The following LNPEP variants were observed in gnomAD, a reference collection of about 807,000 sequenced individuals.
LNPEP encodes the protein leucyl-cystinyl aminopeptidase.
LNPEP carries 64 observed loss-of-function variants against 120.6 expected under a neutral mutation model. The observed-to-expected ratio is 0.53, with a 90% confidence interval of 0.43 to 0.65. LNPEP has a LOEUF of 0.65. Ranked by LOEUF, LNPEP falls within the 30% of genes least tolerant of loss-of-function variation. The probability of loss-of-function intolerance (pLI) is 0.00; values close to 1 mark genes in which losing one functional copy is unlikely to be tolerated. For missense variants in LNPEP, 1,057 were observed against 1,200.0 expected (o/e 0.88, Z 1.76); for synonymous variants, 435 against 425.4 (o/e 1.02, Z -0.28).
At chr5:96,965,161 A>G (rs1789697848) in intron 1 of LNPEP, among the ~76,000 whole-genome samples, 1 of 152,148 alleles carries the variant, frequency 6.6e-6, no homozygotes, top group South Asian at 2.1e-4. Context: ...TAGAAGGAGT[A>G]AGATCTAGCA....
intron 1 of LNPEP, 63 bp downstream of exon 1, chr5:96,936,237 C>T: frequency 7.7e-7 from 1 of 1,306,000 alleles, no homozygotes; most frequent in Non-Finnish European, 9.9e-7. Flanking sequence ...CGTGGGCAGT[C>T]GTGACACGCG....
At chr5:96,975,978 A>G (rs1789982870) in intron 1 of LNPEP, among the ~76,000 whole-genome samples, 1 of 152,168 alleles carries the variant, frequency 6.6e-6, no homozygotes, top group South Asian at 2.1e-4. Flanking sequence ...TGACTTATAG[A>G]TAGCTTCTAT....
In LNPEP at chr5:96,936,193, C is replaced by G. The variant is rs556945976; in HGVS notation, c.19+19C>G. ...ACCAATGGTGAGTGGGCTGCCGAGG[C>G]GCCGGGACCCGGGCTCTCCGGAGCC... On this transcript the variant is annotated intron_variant, in intron 1 of 17. Transcript: ENST00000231368. 3.5e-6 allele frequency: 5 copies of G among 1,434,972 alleles called. No individual in the cohort carries two copies. The highest frequency in any genetic ancestry group is 2.8e-5 in the Admixed American group (1 of 35,360). 88.9% of individuals were successfully genotyped at this position (1,434,972 alleles called of 1,614,324 possible).
intron 4 of LNPEP, among the ~76,000 whole-genome samples, chr5:96,990,947 GT>G (rs1196396926): frequency 2.0e-5 from 3 of 152,126 alleles, no homozygotes; most frequent in African/African-American, 7.2e-5. Context: ...GGAACAGGTG[GT>G]GTTCGGTTAT....
At chr5:96,958,860 C>T (rs1789533028) in intron 1 of LNPEP, 1 of 123,858 alleles carries the variant, frequency 8.1e-6, no homozygotes, top group Admixed American at 1.0e-4. Context: ...GACGGAGTCT[C>T]ACTCTGTCAC....
At chr5:96,945,251 A>T (rs1318410109) in intron 1 of LNPEP, among the ~76,000 whole-genome samples, 1 of 47,182 alleles carries the variant, frequency 2.1e-5, no homozygotes, top group African/African-American at 7.1e-5. Context: ...TTAAAAATTA[A>T]AAAAAAAAAT....
At chr5:97,011,876 G>A (rs1481693224) in intron 11 of LNPEP, among the ~76,000 whole-genome samples, 1 of 152,056 alleles carries the variant, frequency 6.6e-6, no homozygotes, top group African/African-American at 2.4e-5. Flanking sequence ...AACATCTTTT[G>A]CAGTATCGAT....
intron 4 of LNPEP, among the ~76,000 whole-genome samples, chr5:96,991,726 G>A (rs1055918221): frequency 1.3e-5 from 2 of 152,128 alleles, no homozygotes; most frequent in Non-Finnish European, 2.9e-5. Flanking sequence ...CAGATGTATA[G>A]ATTATGAAGA....
intron 1 of LNPEP, among the ~76,000 whole-genome samples, chr5:96,951,125 T>C (rs1383143604): frequency 1.3e-5 from 2 of 152,232 alleles, no homozygotes; most frequent in African/African-American, 4.8e-5. Flanking sequence ...CGAGCTTTGC[T>C]GTTTCTTTCT....
chr5:96,975,736 A>G (rs555676136), intron 1 of LNPEP, among the ~76,000 whole-genome samples: 1 of 152,346 alleles, frequency 6.6e-6, no homozygotes, highest in Non-Finnish European at 1.5e-5. Context: ...TTCAATACAC[A>G]TAAAAATTAC....
chr5:96,941,348 C>G (rs1191638338), intron 1 of LNPEP, among the ~76,000 whole-genome samples: 1 of 152,202 alleles, frequency 6.6e-6, no homozygotes, highest in Non-Finnish European at 1.5e-5. Context: ...AGGCCAGAGA[C>G]TGGTACTGGT....
chr5:96,978,798 T>G (rs2113050), intron 1 of LNPEP, among the ~76,000 whole-genome samples: 75,611 of 151,978 alleles, frequency 0.5, 19,013 homozygotes, highest in African/African-American at 0.57. Flanking sequence ...GCCAAAACAG[T>G]GCCCTCTCAA....
intron 4 of LNPEP, among the ~76,000 whole-genome samples, chr5:96,989,000 CAT>C (rs1189116601): frequency 1.3e-5 from 2 of 151,904 alleles, no homozygotes; most frequent in Non-Finnish European, 1.5e-5. Flanking sequence ...ACTGCATTCT[CAT>C]ATATGTGTGT....
At chr5:96,993,733 G>A in intron 5 of LNPEP, 84 bp from the exon 6 acceptor site, 3 of 1,254,634 alleles carry the variant, frequency 2.4e-6, no homozygotes, top group Non-Finnish European at 3.4e-6. Context: ...TGCTTTCACA[G>A]TGATAAACCA....
intron 13 of LNPEP, among the ~76,000 whole-genome samples, chr5:97,021,367 C>T (rs1435197370): frequency 6.6e-6 from 1 of 152,028 alleles, no homozygotes; most frequent in African/African-American, 2.4e-5. Context: ...TTTGAAAGTT[C>T]TTTAAATAAA....
intron 8 of LNPEP, 117 bp downstream of exon 8, chr5:96,998,262 T>C: frequency 1.2e-6 from 1 of 811,492 alleles, no homozygotes; most frequent in African/African-American, 1.8e-5. Flanking sequence ...CAGGTATTAA[T>C]GGTAAACTAT....
intron 1 of LNPEP, among the ~76,000 whole-genome samples, chr5:96,964,044 T>C (rs1403528642): frequency 6.6e-6 from 1 of 151,992 alleles, no homozygotes; most frequent in Admixed American, 6.6e-5. Context: ...CCCCATCTTC[T>C]CCCTTGTCCC....
chr5:97,002,230 G>A (rs1328441099), intron 8 of LNPEP, among the ~76,000 whole-genome samples: 1 of 152,192 alleles, frequency 6.6e-6, no homozygotes, highest in Non-Finnish European at 1.5e-5. Flanking sequence ...AATGGAGATG[G>A]CAAATTGAGG....
At chr5:97,012,608 A>G (rs1254083787) in intron 11 of LNPEP, among the ~76,000 whole-genome samples, 1 of 152,220 alleles carries the variant, frequency 6.6e-6, no homozygotes, top group Non-Finnish European at 1.5e-5. Flanking sequence ...CTATTAAATA[A>G]TAGTAAACCT....
Sources: allele counts gnomAD v4.1 joint callset (sites outside exome capture counted in the v4.1 genomes callset), GRCh38; gene constraint gnomAD v4.1.1; transcripts MANE v1.5; gene names NCBI Gene and HGNC (gene_info 2026-07-23, HGNC 2026-07-21).